Variants in OPCML observed in about 807,000 individuals in gnomAD.
OPCML encodes the protein opioid-binding protein/cell adhesion molecule.
Under a neutral mutation model 37.8 loss-of-function variants are expected in OPCML, and 13 were observed. The ratio of observed to expected loss-of-function variants is 0.34; its 90% CI spans 0.22 to 0.55. OPCML has a LOEUF of 0.55. OPCML is among the 20% of genes least tolerant of loss of function. OPCML has a pLI of 0.91. For missense variants in OPCML, 341 were observed against 435.6 expected, an observed-to-expected ratio of 0.78 and a Z score of 1.93; for synonymous variants, 176 against 168.8, an observed-to-expected ratio of 1.04 and a Z score of -0.33.
chr11:133,519,198 A>G (rs1320379101), intron 1 of OPCML, among the ~76,000 whole-genome samples: 2 of 151,974 alleles, frequency 1.3e-5, no homozygotes, highest in East Asian at 1.9e-4. Context: ...TCCTAGTCCC[A>G]CTTTCTTCCT....
At chr11:132,791,841 G>T (rs1293576805) in intron 2 of OPCML, among the ~76,000 whole-genome samples, 1 of 152,148 alleles carries the variant, frequency 6.6e-6, no homozygotes, top group Admixed American at 6.5e-5. Context: ...CCAGGTTGCG[G>T]TTTTGACTGA....
chr11:133,356,533 C>T (rs1485681989), intron 1 of OPCML, among the ~76,000 whole-genome samples: 1 of 152,140 alleles, frequency 6.6e-6, no homozygotes, highest in African/African-American at 2.4e-5. Flanking sequence ...ACAGAGGATC[C>T]CATCAGCTCT....
At chr11:132,660,804 G>A (rs534271357) in intron 2 of OPCML, among the ~76,000 whole-genome samples, 4 of 152,222 alleles carry the variant, frequency 2.6e-5, no homozygotes, top group Admixed American at 1.3e-4. Context: ...CATGACAGTC[G>A]GCTGATGGAG....
intron 7 of OPCML, among the ~76,000 whole-genome samples, 161 bp downstream of exon 7, chr11:132,435,925 C>T (rs954925236): frequency 1.3e-5 from 2 of 152,184 alleles, no homozygotes; most frequent in African/African-American, 4.8e-5. Flanking sequence ...CTCTGCATGG[C>T]ATGCTAGGGG....
At chr11:132,847,432 C>G (rs1014499684) in intron 2 of OPCML, among the ~76,000 whole-genome samples, 2 of 152,050 alleles carry the variant, frequency 1.3e-5, no homozygotes, top group African/African-American at 2.4e-5. Flanking sequence ...CAAGAAAGAC[C>G]ACATTTCTGA....
chr11:132,767,677 G>C (rs561485934), intron 2 of OPCML, among the ~76,000 whole-genome samples: 1 of 152,214 alleles, frequency 6.6e-6, no homozygotes, highest in African/African-American at 2.4e-5. Flanking sequence ...GTGCTTACCA[G>C]GTGTACTTGT....
chr11:132,933,631 T>C (rs1378266343), intron 2 of OPCML, among the ~76,000 whole-genome samples: 1 of 151,852 alleles, frequency 6.6e-6, no homozygotes, highest in East Asian at 1.9e-4. Flanking sequence ...GACAGAGAGA[T>C]AGAGATAAAG....
chr11:132,820,347 G>A (rs1939907736), intron 2 of OPCML, among the ~76,000 whole-genome samples: 1 of 152,214 alleles, frequency 6.6e-6, no homozygotes, highest in Non-Finnish European at 1.5e-5. Flanking sequence ...GTAGGTATTT[G>A]AGGTTAGATT....
At chr11:132,738,793 A>C (rs1353394695) in intron 2 of OPCML, among the ~76,000 whole-genome samples, 1 of 152,222 alleles carries the variant, frequency 6.6e-6, no homozygotes, top group African/African-American at 2.4e-5. Context: ...ATTTTACATT[A>C]ATTAAAAACC....
chr11:133,162,143 G>C (rs1950151452), intron 1 of OPCML, among the ~76,000 whole-genome samples: 1 of 152,100 alleles, frequency 6.6e-6, no homozygotes, highest in South Asian at 2.1e-4. Flanking sequence ...GATCTTGGCA[G>C]GGCAGGGGTA....
chr11:133,021,192 A>G (rs185102879), intron 1 of OPCML, among the ~76,000 whole-genome samples: 49 of 152,336 alleles, frequency 3.2e-4, no homozygotes, highest in Non-Finnish European at 2.9e-4. Context: ...GAGGATACAT[A>G]CAGGTAAGAG....
At chr11:133,231,739 G>T (rs1282627650) in intron 1 of OPCML, among the ~76,000 whole-genome samples, 1 of 152,198 alleles carries the variant, frequency 6.6e-6, no homozygotes, top group Non-Finnish European at 1.5e-5. Context: ...CCTTCATGGG[G>T]TGATAACTAT....
At chr11:132,501,941 G>C (rs953276909) in intron 4 of OPCML, among the ~76,000 whole-genome samples, 1 of 152,122 alleles carries the variant, frequency 6.6e-6, no homozygotes, top group Non-Finnish European at 1.5e-5. Context: ...GTTTCTGTGC[G>C]AACTATAAGG....
At chr11:132,818,911 A>T (rs1428365729) in intron 2 of OPCML, among the ~76,000 whole-genome samples, 1 of 149,830 alleles carries the variant, frequency 6.7e-6, no homozygotes, top group African/African-American at 2.4e-5. Context: ...CATGTACCCT[A>T]AAACTTAAAG....
chr11:133,057,382 G>A (rs1294821697), intron 1 of OPCML, among the ~76,000 whole-genome samples: 1 of 152,196 alleles, frequency 6.6e-6, no homozygotes, highest in Non-Finnish European at 1.5e-5. Context: ...AATCAGGTCA[G>A]CTGGCGGCTC....
rs142956316 is a variant in OPCML at position 132,900,542 on chromosome 11, A to G, written c.146+42384T>C. ...AAACAAACAAAACATTTTTCATGTCATCATTCTCCCCTCAGCCCAGCCTCA... is the reference window on the plus strand; with the variant it reads ...AAACAAACAAAACATTTTTCATGTCGTCATTCTCCCCTCAGCCCAGCCTCA... On this transcript the variant is annotated intron_variant, in intron 2 of 7. Transcript: ENST00000524381. Among the ~76,000 whole-genome samples the G allele has an allele frequency of 1.6e-3, 238 of 152,322 alleles. 2 individuals carry two copies. Among genetic ancestry groups the G allele is most frequent in the African/African-American group, 5.2e-3 (217 of 41,578 alleles).
At chr11:132,625,572 A>AT (rs1939690540) in intron 3 of OPCML, among the ~76,000 whole-genome samples, 1 of 152,152 alleles carries the variant, frequency 6.6e-6, no homozygotes, top group Non-Finnish European at 1.5e-5. Context: ...GAAAGAAGAG[A>AT]TTCACATTTC....
chr11:132,790,025 A>G (rs1418669707), intron 2 of OPCML, among the ~76,000 whole-genome samples: 1 of 152,240 alleles, frequency 6.6e-6, no homozygotes, highest in Non-Finnish European at 1.5e-5. Context: ...GTACGAAAAC[A>G]ATATGGAAGT....
chr11:133,037,780 A>G (rs1382113063), intron 1 of OPCML, among the ~76,000 whole-genome samples: 2 of 152,200 alleles, frequency 1.3e-5, no homozygotes, highest in African/African-American at 4.8e-5. Context: ...CATCTGTGCC[A>G]TGCTGGATAA....
Sources: gnomAD v4.1 joint callset for allele counts (sites outside exome capture counted in the v4.1 genomes callset) on GRCh38, gnomAD v4.1.1 for gene constraint, MANE v1.5 for transcripts, NCBI Gene and HGNC (gene_info 2026-07-23, HGNC 2026-07-21) for gene names.